Variants in THSD7B observed in about 807,000 individuals in gnomAD.
THSD7B encodes thrombospondin type-1 domain-containing protein 7B.
In THSD7B, 138 loss-of-function variants were observed where a neutral mutation model predicts 213.6. The ratio of observed to expected loss-of-function variants is 0.65; its 90% CI spans 0.56 to 0.74. The LOEUF is 0.74. Among genes scored for constraint, THSD7B ranks in the 30% least tolerant of loss-of-function variants. The pLI is 0.00. For synonymous variants in THSD7B, 742 were observed against 687.0 expected, an observed-to-expected ratio of 1.08 and a Z score of -1.25; for missense variants, 1,931 against 1,991.5, an observed-to-expected ratio of 0.97 and a Z score of 0.58.
At chr2:137,215,352 G>A (rs981498967) in intron 7 of THSD7B, among the ~76,000 whole-genome samples, 1 of 152,096 alleles carries the variant, frequency 6.6e-6, no homozygotes, top group Non-Finnish European at 1.5e-5. Flanking sequence ...CAGGATACAA[G>A]CATTTTAACA....
intron 2 of THSD7B, among the ~76,000 whole-genome samples, chr2:136,998,909 GACACACAC>G (rs57138045): frequency 0.085 from 11,076 of 129,824 alleles, 497 homozygotes; most frequent in Non-Finnish European, 0.1. Context: ...ATACCCAACA[GACACACAC>G]ACACACACAC....
chr2:137,573,925 G>A (rs573867801), intron 17 of THSD7B, among the ~76,000 whole-genome samples: 5 of 152,180 alleles, frequency 3.3e-5, no homozygotes, highest in South Asian at 2.1e-4. Flanking sequence ...TGTTTAAAAT[G>A]CAATATTTAT....
intron 21 of THSD7B, among the ~76,000 whole-genome samples, chr2:137,648,926 A>G (rs551796960): frequency 6.6e-6 from 1 of 152,314 alleles, no homozygotes; most frequent in African/African-American, 2.4e-5. Flanking sequence ...CCTCACCAGC[A>G]TCTATTATTA....
chr2:136,984,469 A>T (rs1395044650), intron 2 of THSD7B, among the ~76,000 whole-genome samples: 1 of 152,194 alleles, frequency 6.6e-6, no homozygotes, highest in Admixed American at 6.5e-5. Flanking sequence ...TGCTCTCACC[A>T]TGTGGTTTCC....
chr2:137,458,796 T>C (rs1261113431), intron 15 of THSD7B, among the ~76,000 whole-genome samples: 1 of 152,198 alleles, frequency 6.6e-6, no homozygotes, highest in African/African-American at 2.4e-5. Context: ...AGTTATCTTC[T>C]TGTAAAGTGC....
At chr2:137,182,970 G>T (rs1056090168) in intron 7 of THSD7B, among the ~76,000 whole-genome samples, 2 of 152,088 alleles carry the variant, frequency 1.3e-5, no homozygotes, top group Admixed American at 1.3e-4. Flanking sequence ...GAATACTGCT[G>T]CAGAAATGTC....
chr2:136,915,945 AT>A (rs1684341457), intron 2 of THSD7B, among the ~76,000 whole-genome samples: 1 of 152,218 alleles, frequency 6.6e-6, no homozygotes, highest in African/African-American at 2.4e-5. Context: ...CTTGAAGTAC[AT>A]TTTAAAACAA....
At chr2:137,052,126 C>T (rs904138072) in intron 2 of THSD7B, among the ~76,000 whole-genome samples, 12 of 152,284 alleles carry the variant, frequency 7.9e-5, no homozygotes, top group African/African-American at 2.4e-4. Context: ...CAGTGCTACC[C>T]TTCCAAGTCC....
intron 1 of THSD7B, among the ~76,000 whole-genome samples, chr2:136,869,961 A>C (rs539301779): frequency 5.9e-5 from 9 of 151,926 alleles, no homozygotes; most frequent in Middle Eastern, 6.8e-3. Context: ...AATCCAAGCT[A>C]CTCAGGAGGC....
intron 1 of THSD7B, among the ~76,000 whole-genome samples, chr2:136,821,280 A>G (rs1011123954): frequency 6.6e-6 from 1 of 152,212 alleles, no homozygotes; most frequent in Admixed American, 6.5e-5. Flanking sequence ...GAAAGAAGGA[A>G]AGAAAATGTA....
intron 3 of THSD7B, among the ~76,000 whole-genome samples, chr2:137,075,067 G>A (rs1337774756): frequency 2.0e-5 from 3 of 152,046 alleles, no homozygotes; most frequent in Non-Finnish European, 4.4e-5. Context: ...ATGTGTCTTG[G>A]AGTTGCTCTT....
rs559099717 is a variant in THSD7B, at chr2:136,963,495, T to C, written c.139+81178T>C. ...CATCTCTAAAATAAAAAATAAAAAATAATACTGGCATGATGGCACATGACT... is the reference window on the plus strand; with the variant it reads ...CATCTCTAAAATAAAAAATAAAAAACAATACTGGCATGATGGCACATGACT... On this transcript the variant is annotated intron_variant, in intron 2 of 27. Transcript: ENST00000409968. 2.0e-5 allele frequency among the ~76,000 whole-genome samples: 3 copies of C among 152,056 alleles called. No individual in the cohort carries two copies. The East Asian group carries it at 5.8e-4, about 29-fold the overall frequency.
At chr2:137,520,422 G>A (rs1390633780) in intron 15 of THSD7B, among the ~76,000 whole-genome samples, 1 of 152,188 alleles carries the variant, frequency 6.6e-6, no homozygotes, top group Non-Finnish European at 1.5e-5. Context: ...CATCGTTAAT[G>A]TATTTAAAGC....
chr2:137,264,927 C>T (rs1323908886), intron 10 of THSD7B, among the ~76,000 whole-genome samples: 1 of 151,922 alleles, frequency 6.6e-6, no homozygotes, highest in Non-Finnish European at 1.5e-5. Context: ...GCTGCACCCA[C>T]TAACTTGTCA....
chr2:137,060,247 A>G (rs1687246526), intron 3 of THSD7B, among the ~76,000 whole-genome samples: 2 of 152,020 alleles, frequency 1.3e-5, no homozygotes, highest in African/African-American at 4.8e-5. Flanking sequence ...AGTTATTTGT[A>G]TATTTTGGAT....
chr2:137,012,539 A>T (rs1686250724), intron 2 of THSD7B, among the ~76,000 whole-genome samples: 1 of 152,228 alleles, frequency 6.6e-6, no homozygotes, highest in South Asian at 2.1e-4. Flanking sequence ...GGAGAAGAGT[A>T]CACATTCAAT....
chr2:137,288,247 A>G (rs910286867), intron 12 of THSD7B, among the ~76,000 whole-genome samples: 3 of 152,162 alleles, frequency 2.0e-5, no homozygotes, highest in African/African-American at 7.2e-5. Flanking sequence ...TGGAATGCAA[A>G]CAAATACAAA....
chr2:137,567,229 C>T (rs567234190), intron 16 of THSD7B, among the ~76,000 whole-genome samples: 15 of 151,290 alleles, frequency 9.9e-5, no homozygotes, highest in South Asian at 4.2e-4. Context: ...AGTGCAATGG[C>T]GCAATCCCAG....
At chr2:137,011,020 T>C (rs951241759) in intron 2 of THSD7B, among the ~76,000 whole-genome samples, 6 of 152,184 alleles carry the variant, frequency 3.9e-5, no homozygotes, top group Non-Finnish European at 7.3e-5. Flanking sequence ...GTTGATGTTA[T>C]TAGCCTTTCA....
Sources: gnomAD v4.1 joint callset for allele counts (sites outside exome capture counted in the v4.1 genomes callset) on GRCh38, gnomAD v4.1.1 for gene constraint, MANE v1.5 for transcripts, NCBI Gene and HGNC (gene_info 2026-07-23, HGNC 2026-07-21) for gene names.